Variants in EML6 observed in about 807,000 individuals in gnomAD.
EML6 encodes echinoderm microtubule-associated protein-like 6.
In EML6, 154 loss-of-function variants were observed where a neutral mutation model predicts 240.1. That is an observed-to-expected ratio of 0.64 (90% CI 0.56 to 0.73). The LOEUF is 0.73. EML6 is among the 30% of genes least tolerant of loss of function. EML6 has a pLI of 0.00. For synonymous variants in EML6, 1,148 were observed against 899.0 expected (o/e 1.28, Z -4.95); for missense variants, 2,964 against 2,474.6 (o/e 1.20, Z -4.20).
chr2:54,822,786 A>G (rs537333608), intron 5 of EML6, among the ~76,000 whole-genome samples: 18 of 152,264 alleles, frequency 1.2e-4, no homozygotes, highest in African/African-American at 3.4e-4. Flanking sequence ...TATCCCTTGT[A>G]TACTTCATTG....
chr2:54,947,678 C>G (rs1446302373), intron 28 of EML6, among the ~76,000 whole-genome samples: 1 of 152,214 alleles, frequency 6.6e-6, no homozygotes, highest in Non-Finnish European at 1.5e-5. Flanking sequence ...CTCCCCAGCA[C>G]ACTCTAAGCA....
chr2:54,949,544 C>A (rs969337344), intron 29 of EML6, among the ~76,000 whole-genome samples: 1 of 152,202 alleles, frequency 6.6e-6, no homozygotes, highest in African/African-American at 2.4e-5. Context: ...TGAGACTAGG[C>A]TCTCATAAAG....
intron 16 of EML6, among the ~76,000 whole-genome samples, chr2:54,873,379 G>C (rs934115779): frequency 6.6e-6 from 1 of 152,174 alleles, no homozygotes; most frequent in Non-Finnish European, 1.5e-5. Context: ...TAAGTGTCAA[G>C]GGAGAGAGAA....
chr2:54,932,546 C>G lies in EML6; in HGVS notation c.4004+3795C>G, dbSNP rs544950215. Reference sequence around the variant, plus strand: ...TTACTCTCAACTTTTGACCTTATCTCCTTTGCCGTGTTTTCTTATAATGTA... The same window carrying G: ...TTACTCTCAACTTTTGACCTTATCTGCTTTGCCGTGTTTTCTTATAATGTA... On this transcript the variant is annotated intron_variant, in intron 28 of 41. Transcript: ENST00000356458. Among the ~76,000 whole-genome samples, 9 of 152,258 alleles carry G rather than the reference C, an allele frequency of 5.9e-5. No individual in the cohort carries two copies. The South Asian group carries it at 1.9e-3, about 32-fold the overall frequency.
At chr2:54,904,650 G>A (rs1314410513) in intron 24 of EML6, among the ~76,000 whole-genome samples, 2 of 152,186 alleles carry the variant, frequency 1.3e-5, no homozygotes, top group Non-Finnish European at 2.9e-5. Flanking sequence ...AGGGTGTGAA[G>A]GGAGGGGAAT....
intron 21 of EML6, 59 bp from the exon 22 acceptor site, chr2:54,899,582 A>G: frequency 6.6e-7 from 1 of 1,504,818 alleles, no homozygotes; most frequent in Non-Finnish European, 9.0e-7. Context: ...ACCAGGCTAA[A>G]GAAGGGCTAG....
At chr2:54,775,819 C>G (rs932058281) in intron 2 of EML6, among the ~76,000 whole-genome samples, 10 of 152,140 alleles carry the variant, frequency 6.6e-5, no homozygotes, top group African/African-American at 2.4e-4. Flanking sequence ...AAAACCCATT[C>G]TAACAGAAGA....
Position 54,895,088 on chromosome 2 carries a change from A to G in EML6, c.2854+62A>G, listed in dbSNP as rs191644939. ...TCATAGGGATGGAGAAGATTGTACT[A>G]AAGTTTTTAGAAAACTATTAGCAAA... On this transcript the variant is annotated intron_variant, in intron 20 of 41. Transcript: ENST00000356458. 13 of 1,401,894 alleles carry G rather than the reference A, an allele frequency of 9.3e-6. No homozygotes were observed. The Admixed American group carries it at 1.6e-4, about 18-fold the overall frequency. The allele number at this position is 1,401,894 out of a possible 1,614,324, so 86.8% of individuals were successfully genotyped here. A position where few individuals can be genotyped will look rare whatever the true frequency, so the allele number is the denominator to read the frequency against.
chr2:54,949,033 G>A (rs940955716), intron 29 of EML6, 73 bp downstream of exon 29: 22 of 1,115,762 alleles, frequency 2.0e-5, no homozygotes, highest in Middle Eastern at 3.9e-4. Context: ...CCATCTGCAC[G>A]TCCCAAAGAC....
chr2:54,900,829 G>A (rs1433822995), intron 22 of EML6, among the ~76,000 whole-genome samples: 1 of 152,142 alleles, frequency 6.6e-6, no homozygotes, highest in African/African-American at 2.4e-5. Context: ...ACAAACTAAA[G>A]ATATTTGGCA....
At chr2:54,772,269 G>A (rs568606642) in intron 2 of EML6, among the ~76,000 whole-genome samples, 26 of 152,280 alleles carry the variant, frequency 1.7e-4, no homozygotes, top group Admixed American at 7.2e-4. Context: ...CATATAAAAC[G>A]AAGCTTGAAG....
At chr2:54,802,167 CTTTTAAAATACTGATGGCAGAA>C (rs1670187746) in intron 2 of EML6, among the ~76,000 whole-genome samples, 1 of 152,142 alleles carries the variant, frequency 6.6e-6, no homozygotes, top group Admixed American at 6.5e-5. Context: ...AGCTAACATT[CTTTTAAAATACTGATGGCAGAA>C]TTTTAAAACA....
intron 26 of EML6, among the ~76,000 whole-genome samples, chr2:54,924,239 A>C (rs542969136): frequency 6.6e-6 from 1 of 152,324 alleles, no homozygotes; most frequent in Admixed American, 6.5e-5. Flanking sequence ...AAAATGTAAG[A>C]GTTCCAGTTG....
intron 7 of EML6, among the ~76,000 whole-genome samples, chr2:54,839,686 C>A (rs921922580): frequency 6.6e-6 from 1 of 152,200 alleles, no homozygotes; most frequent in South Asian, 2.1e-4. Context: ...AAGGGAAATG[C>A]AGCAGTGGGA....
At chr2:54,923,547 A>T (rs1674379113) in intron 26 of EML6, among the ~76,000 whole-genome samples, 1 of 152,180 alleles carries the variant, frequency 6.6e-6, no homozygotes, top group African/African-American at 2.4e-5. Context: ...TGGGAGGAAA[A>T]AGTAAATTTT....
chr2:54,952,805 T>G, intron 31 of EML6, 113 bp downstream of exon 31: 2 of 684,962 alleles, frequency 2.9e-6, no homozygotes. Flanking sequence ...TTCTTGTTGA[T>G]GTTGCTGTTG....
rs1325267794 is a variant in EML6, at chr2:54,911,035, C to A, written c.3491C>A (p.Pro1164His). Residue 1164 changes from proline (P) to histidine (H), a missense_variant, in exon 25 of 42, where the codon CCT becomes CAT. Coordinates refer to ENST00000356458, the MANE Select transcript of EML6 (RefSeq NM_001039753.4). Reference sequence around the variant, plus strand: ...AGAGGCAAACGGCATATAATAAGACCTTCAGAGGTAATAATCATACACAAA... The same window carrying A: ...AGAGGCAAACGGCATATAATAAGACATTCAGAGGTAATAATCATACACAAA... ...APRGKRHIIRPSEIEKIEWDT... is the reference protein window; with the variant it reads ...APRGKRHIIRHSEIEKIEWDT... The A allele has an allele frequency of 1.3e-6, 2 of 1,493,594 alleles. No individual in the cohort carries two copies. The highest frequency in any genetic ancestry group is 1.8e-6 in the Non-Finnish European group (2 of 1,099,916). The allele number at this position is 1,493,594 out of a possible 1,614,324, so 92.5% of individuals were successfully genotyped here. A position where few individuals can be genotyped will look rare whatever the true frequency, so the allele number is the denominator to read the frequency against.
chr2:54,761,117 A>T (rs180743595), intron 2 of EML6, among the ~76,000 whole-genome samples: 1 of 152,142 alleles, frequency 6.6e-6, no homozygotes, highest in Admixed American at 6.6e-5. Context: ...CAGCCAAATG[A>T]TAATAACTCT....
intron 15 of EML6, 83 bp from the exon 16 acceptor site, chr2:54,871,417 C>G: frequency 9.7e-7 from 1 of 1,026,802 alleles, no homozygotes; most frequent in Non-Finnish European, 1.5e-6. Context: ...ATCTTGGTTT[C>G]TGAGCAGTGT....
Sources: allele counts gnomAD v4.1 joint callset (sites outside exome capture counted in the v4.1 genomes callset), GRCh38; gene constraint gnomAD v4.1.1; transcripts MANE v1.5; gene names NCBI Gene and HGNC (gene_info 2026-07-23, HGNC 2026-07-21).